The following AP3D1 variants were observed in gnomAD, a reference collection of about 807,000 sequenced individuals.
AP3D1 encodes AP-3 complex subunit delta-1.
A neutral mutation model predicts 147.6 loss-of-function variants in AP3D1; 51 were observed. That is an observed-to-expected ratio of 0.35 (90% confidence interval 0.28 to 0.44). The LOEUF (loss-of-function observed/expected upper bound fraction) is 0.44, where lower values mean the gene tolerates loss of function less well. Among genes scored for constraint, AP3D1 ranks in the 20% least tolerant of loss-of-function variants. The pLI, the probability that AP3D1 is intolerant of heterozygous loss-of-function variation, is 1.00. For missense variants in AP3D1, 1,421 were observed against 1,624.2 expected, an observed-to-expected ratio of 0.87 and a Z score of 2.15; for synonymous variants, 760 against 663.0, an observed-to-expected ratio of 1.15 and a Z score of -2.25.
chr19:2,109,359 T>A, intron 29 of AP3D1, 152 bp from the exon 30 acceptor site: 1 of 1,046,526 alleles, frequency 9.6e-7, no homozygotes, highest in Non-Finnish European at 1.4e-6. Context: ...AAGGTGTGGC[T>A]CATTTTCATG....
chr19:2,131,514 G>GCTT (rs1414042495), intron 5 of AP3D1, among the ~76,000 whole-genome samples: 33 of 123,440 alleles, frequency 2.7e-4, no homozygotes, highest in African/African-American at 9.6e-4. Flanking sequence ...AGGGGACAGG[G>GCTT]CCCATCGGCC....
intron 1 of AP3D1, among the ~76,000 whole-genome samples, chr19:2,139,539 G>A (rs766419317): frequency 3.5e-4 from 53 of 152,216 alleles, no homozygotes; most frequent in Non-Finnish European, 6.5e-4. Flanking sequence ...GCAGACGTGA[G>A]GCGCCCAACA....
upstream of AP3D1, among the ~76,000 whole-genome samples, chr19:2,155,336 G>A (rs2019636074): frequency 6.6e-6 from 1 of 151,448 alleles, no homozygotes; most frequent in African/African-American, 2.4e-5. Flanking sequence ...ACTCCAGCCT[G>A]GGCGACAGAG....
intron 11 of AP3D1, among the ~76,000 whole-genome samples, chr19:2,122,182 C>G (rs1599462696): frequency 6.6e-6 from 1 of 150,556 alleles, no homozygotes; most frequent in Non-Finnish European, 1.5e-5. Context: ...CCAGCCAGTG[C>G]AGGGAAGAAC....
At chr19:2,154,210 A>C (rs1009982559), upstream of AP3D1, among the ~76,000 whole-genome samples, 5 of 151,808 alleles carry the variant, frequency 3.3e-5, no homozygotes, top group Non-Finnish European at 7.4e-5. Flanking sequence ...GGCCTCCCCA[A>C]AGTGCTGGAA....
upstream of AP3D1, among the ~76,000 whole-genome samples, chr19:2,153,690 A>G (rs113095599): frequency 0.091 from 13,711 of 151,020 alleles, 927 homozygotes; most frequent in African/African-American, 0.18. Flanking sequence ...AAAAAAAAAA[A>G]GGAGGGGAAC....
At chr19:2,112,606 T>C in intron 24 of AP3D1, 1 of 401,814 alleles carries the variant, frequency 2.5e-6, no homozygotes, top group Admixed American at 4.2e-5. Flanking sequence ...CACAACTCTG[T>C]GAATATACAG....
At chr19:2,153,507 C>T (rs1451630636), upstream of AP3D1, among the ~76,000 whole-genome samples, 2 of 152,028 alleles carry the variant, frequency 1.3e-5, no homozygotes, top group African/African-American at 2.4e-5. Flanking sequence ...GAAATTCCAC[C>T]TCTACTAAAA....
rs9676693 is a variant in AP3D1, at chr19:2,116,401, C to T, written c.2002-123G>A. 311,456 of 1,257,722 alleles carry T rather than the reference C, an allele frequency of 0.25. 42,120 individuals carry two copies. Among genetic ancestry groups the T allele is most frequent in the African/African-American group, 0.47 (31,027 of 65,828 alleles). The allele number at this position is 1,257,722 out of a possible 1,614,324, so 77.9% of individuals were successfully genotyped here. A position where few individuals can be genotyped will look rare whatever the true frequency, so the allele number is the denominator to read the frequency against. The stretch of plus-strand genomic sequence containing the variant: ...CTGGCTATTTTCACTACTGAGCTTT[C>T]ACTAACAGGGAAACCAAGGCCCGCA... On this transcript the variant is annotated intron_variant, in intron 17 of 31. Transcript: ENST00000643116.
chr19:2,159,724 G>A (rs550961203), intron 1 of AP3D1, among the ~76,000 whole-genome samples: 23 of 146,116 alleles, frequency 1.6e-4, no homozygotes, highest in African/African-American at 4.6e-4. Flanking sequence ...TTTTTGAGAC[G>A]GAGTCTTGTT....
chr19:2,129,287 T>TG (rs774281662), intron 7 of AP3D1, 31 bp downstream of exon 7: 80 of 1,612,464 alleles, frequency 5.0e-5, no homozygotes, highest in Non-Finnish European at 6.5e-5. Flanking sequence ...CCACACAGGG[T>TG]GAGGAGGCCA....
intron 18 of AP3D1, 143 bp from the exon 19 acceptor site, chr19:2,115,756 G>A (rs537213625): frequency 1.2e-5 from 10 of 849,122 alleles, no homozygotes; most frequent in South Asian, 7.1e-5. Context: ...CGCGAGGAGC[G>A]CCGTGAGCGA....
In AP3D1 at chr19:2,115,667, AAG is replaced by A. The variant is rs2145042734; in HGVS notation, c.2074-56_2074-55del. 2.6e-6 allele frequency: 4 copies of A among 1,563,448 alleles called. No individual in the cohort carries two copies. In the African/African-American group the frequency reaches 4.1e-5, roughly 16 times the overall value. ...GTGCACCGAGGGGTGACACACGTGC[AAG>A]ACAAGCCTCGGGGATGCAGGGAGCG... On this transcript the variant is annotated intron_variant, in intron 18 of 31. Coordinates refer to ENST00000643116, the MANE Select transcript of AP3D1 (RefSeq NM_001261826.3).
At chr19:2,120,147 G>A (rs542249322) in intron 14 of AP3D1, among the ~76,000 whole-genome samples, 1 of 152,164 alleles carries the variant, frequency 6.6e-6, no homozygotes, top group African/African-American at 2.4e-5. Context: ...GAGGCAGTGA[G>A]GCATAGCAGC....
upstream of AP3D1, among the ~76,000 whole-genome samples, chr19:2,154,037 T>C (rs1026872433): frequency 3.3e-5 from 5 of 150,526 alleles, no homozygotes; most frequent in African/African-American, 1.2e-4. Flanking sequence ...AACCTCTGCC[T>C]CCTGGGTTCA....
In AP3D1 at chr19:2,118,834, T is replaced by C; in HGVS notation, c.1482-2A>G. On this transcript the variant is annotated splice_acceptor_variant, in intron 14 of 31. Coordinates refer to ENST00000643116, the MANE Select transcript of AP3D1 (RefSeq NM_001261826.3). LOFTEE classifies it high-confidence loss of function. ...GTGTGGTGTGGTTCCTGCAGATGCCTGAGGACAGGAAACACTGTGAGCCCC... is the reference window on the plus strand; with the variant it reads ...GTGTGGTGTGGTTCCTGCAGATGCCCGAGGACAGGAAACACTGTGAGCCCC... 6.2e-7 allele frequency: 1 copy of C among 1,612,378 alleles called. No homozygotes were observed. Among genetic ancestry groups the C allele is most frequent in the Non-Finnish European group, 8.5e-7 (1 of 1,179,338 alleles).
intron 1 of AP3D1, among the ~76,000 whole-genome samples, chr19:2,139,523 G>C (rs1354122150): frequency 6.6e-6 from 1 of 152,144 alleles, no homozygotes; most frequent in Non-Finnish European, 1.5e-5. Flanking sequence ...GGTTCCCAAG[G>C]GACAGGCAGA....
chr19:2,126,668 A>G lies in AP3D1; in HGVS notation c.856+484T>C, dbSNP rs569549744. On this transcript the variant is annotated intron_variant, in intron 9 of 31. Transcript: ENST00000643116. ...ACTCTGCCTCAAAAAAAAAAAAAAA[A>G]AAAGAAAGAAAAAGAAAATATTTTT... Among the ~76,000 whole-genome samples, 176 of 151,606 alleles carry G rather than the reference A, an allele frequency of 1.2e-3. 3 individuals carry two copies. Among genetic ancestry groups the G allele is most frequent in the African/African-American group, 3.3e-3 (137 of 41,354 alleles).
At position 2,101,062 on chromosome 19, in the gene AP3D1, CTT is replaced by C. The variant is rs1164196277; in HGVS notation, c.*1109_*1110del. ...TGACAGCAGCGTGATATGTCTCTCTCTTTATACGGGAATGTCGATAGCAAATA... is the reference window on the plus strand; with the variant it reads ...TGACAGCAGCGTGATATGTCTCTCTCTATACGGGAATGTCGATAGCAAATA... On this transcript the variant is annotated 3_prime_UTR_variant, in exon 32 of 32. Coordinates refer to ENST00000643116, the MANE Select transcript of AP3D1 (RefSeq NM_001261826.3). The C allele has an allele frequency of 6.6e-6, 1 of 152,540 alleles. No homozygotes were observed. Among genetic ancestry groups the C allele is most frequent in the Non-Finnish European group, 1.5e-5 (1 of 68,048 alleles). 9.4% of individuals were successfully genotyped at this position (152,540 alleles called of 1,614,324 possible).
Sources: gnomAD v4.1 joint callset for allele counts (sites outside exome capture counted in the v4.1 genomes callset) on GRCh38, gnomAD v4.1.1 for gene constraint, MANE v1.5 for transcripts, NCBI Gene and HGNC (gene_info 2026-07-23, HGNC 2026-07-21) for gene names.